FBXL5: variants seen among roughly 807,000 people sequenced by gnomAD.
FBXL5 encodes the protein F-box/LRR-repeat protein 5.
In FBXL5, 26 loss-of-function variants were observed where a neutral mutation model predicts 78.3. The ratio of observed to expected loss-of-function variants is 0.33; its 90% CI spans 0.24 to 0.46. FBXL5 has a LOEUF of 0.46. Among genes scored for constraint, FBXL5 ranks in the 20% least tolerant of loss-of-function variants. The probability of loss-of-function intolerance (pLI) is 1.00; values close to 1 mark genes in which losing one functional copy is unlikely to be tolerated. For synonymous variants in FBXL5, 295 were observed against 282.5 expected (o/e 1.04, Z -0.45); for missense variants, 710 against 829.2 (o/e 0.86, Z 1.77).
In FBXL5 at chr4:15,625,321, T is replaced by C. The variant is rs763209686; in HGVS notation, c.1781A>G (p.Gln594Arg). 9.3e-6 allele frequency: 15 copies of C among 1,614,220 alleles called. No homozygotes were observed. The highest frequency in any genetic ancestry group is 1.3e-5 in the African/African-American group (1 of 75,080). Residue 594 changes from glutamine to arginine, a missense_variant, in exon 9 of 11, where the codon CAA becomes CGA. Gln to Arg is a conservative substitution (Grantham distance 43). Coordinates refer to ENST00000341285, the MANE Select transcript of FBXL5 (RefSeq NM_012161.4). ...LIYFGSEKSD[Q>R]ETGRVLLFLS... ...AAACAGAAGTACACGTCCAGTCTCT[T>C]GATCAGATTTTTCACTCCCAAAGTA...
At chr4:15,654,451 A>G (rs2148728255) in intron 1 of FBXL5, among the ~76,000 whole-genome samples, 1 of 152,338 alleles carries the variant, frequency 6.6e-6, no homozygotes, top group East Asian at 1.9e-4. Context: ...TCTCACAGTT[A>G]AACCAACTTT....
intron 1 of FBXL5, among the ~76,000 whole-genome samples, chr4:15,668,711 C>G (rs1717644529): frequency 6.6e-6 from 1 of 151,692 alleles, no homozygotes; most frequent in Admixed American, 6.6e-5. Flanking sequence ...AACTCACTGA[C>G]AAAGGAAAAA....
intron 4 of FBXL5, 23 bp from the exon 5 acceptor site, chr4:15,636,699 T>C (rs551499613): frequency 6.6e-6 from 10 of 1,518,522 alleles, no homozygotes; most frequent in African/African-American, 3.1e-5. Flanking sequence ...AGAAAAACTT[T>C]ACCAGTAAAG....
intron 1 of FBXL5, among the ~76,000 whole-genome samples, chr4:15,680,761 G>C (rs1718213890): frequency 6.6e-6 from 1 of 151,870 alleles, no homozygotes; most frequent in African/African-American, 2.4e-5. Context: ...AGTAGCTTGA[G>C]AAAGAGAAAT....
intron 1 of FBXL5, among the ~76,000 whole-genome samples, chr4:15,648,299 C>T (rs73241185): frequency 0.091 from 13,895 of 152,160 alleles, 776 homozygotes; most frequent in Non-Finnish European, 0.12. Flanking sequence ...GGAATTGGTA[C>T]AGCCATTATG....
chr4:15,665,591 C>G (rs1560249888), intron 1 of FBXL5, among the ~76,000 whole-genome samples: 1 of 152,112 alleles, frequency 6.6e-6, no homozygotes, highest in Non-Finnish European at 1.5e-5. Flanking sequence ...CACTCTTTCC[C>G]ACTCTTCTTC....
chr4:15,680,114 C>T (rs1253502390), intron 1 of FBXL5, among the ~76,000 whole-genome samples: 1 of 145,496 alleles, frequency 6.9e-6, no homozygotes, highest in African/African-American at 2.6e-5. Flanking sequence ...TACAGTAAAA[C>T]AGGAAAAAAA....
upstream of FBXL5, among the ~76,000 whole-genome samples, chr4:15,659,512 G>T (rs1055026604): frequency 6.6e-6 from 1 of 152,164 alleles, no homozygotes; most frequent in Non-Finnish European, 1.5e-5. Context: ...AGGAGAATGT[G>T]AGCTGCACCG....
intron 10 of FBXL5, among the ~76,000 whole-genome samples, chr4:15,607,980 G>A (rs1176390723): frequency 2.0e-5 from 3 of 152,176 alleles, no homozygotes; most frequent in Admixed American, 6.6e-5. Context: ...TAGAAACTGC[G>A]ACTCTAAGCA....
chr4:15,645,824 TATC>T (rs1453347350), intron 1 of FBXL5, among the ~76,000 whole-genome samples: 2 of 152,208 alleles, frequency 1.3e-5, no homozygotes, highest in Non-Finnish European at 2.9e-5. Context: ...CATTAGCTAT[TATC>T]ATTTTGAAAA....
intron 1 of FBXL5, among the ~76,000 whole-genome samples, chr4:15,670,855 T>C (rs1271325778): frequency 6.6e-6 from 1 of 151,684 alleles, no homozygotes; most frequent in East Asian, 1.9e-4. Context: ...ATCCTTTCAG[T>C]TGTTGTCTGA....
At chr4:15,617,007 G>A (rs1163665796) in intron 9 of FBXL5, among the ~76,000 whole-genome samples, 3 of 152,190 alleles carry the variant, frequency 2.0e-5, no homozygotes, top group Non-Finnish European at 4.4e-5. Flanking sequence ...AAAAAGCAAT[G>A]TTTTTACACT....
At chr4:15,660,898 G>GA (rs1717275513), upstream of FBXL5, among the ~76,000 whole-genome samples, 1 of 151,946 alleles carries the variant, frequency 6.6e-6, no homozygotes, top group Non-Finnish European at 1.5e-5. Context: ...GCAACATGGC[G>GA]AAACTCCATC....
chr4:15,673,364 C>A (rs10008878), intron 1 of FBXL5, among the ~76,000 whole-genome samples: 50,817 of 151,876 alleles, frequency 0.33, 8,869 homozygotes, highest in Non-Finnish European at 0.37. Context: ...TCACCAGAGC[C>A]CAGAAGGTCG....
intron 1 of FBXL5, among the ~76,000 whole-genome samples, chr4:15,665,736 G>A (rs1717512604): frequency 6.6e-6 from 1 of 152,098 alleles, no homozygotes; most frequent in Non-Finnish European, 1.5e-5. Context: ...ACAAACTTAG[G>A]ATGAGAATAT....
upstream of FBXL5, among the ~76,000 whole-genome samples, chr4:15,657,889 G>T (rs1286208789): frequency 2.0e-5 from 3 of 152,066 alleles, no homozygotes; most frequent in Non-Finnish European, 4.4e-5. Context: ...AGACCTTTTT[G>T]GATGTATGAC....
At chr4:15,608,748 T>C (rs4591601) in intron 10 of FBXL5, among the ~76,000 whole-genome samples, 43,345 of 151,798 alleles carry the variant, frequency 0.29, 6,510 homozygotes, top group East Asian at 0.47. Flanking sequence ...TCAGTAACTA[T>C]AGTATTAAAT....
At chr4:15,640,359 T>G (rs1282727913) in intron 3 of FBXL5, among the ~76,000 whole-genome samples, 1 of 108,470 alleles carries the variant, frequency 9.2e-6, no homozygotes, top group African/African-American at 3.6e-5. Context: ...CTAATACATT[T>G]AAAGCCACCA....
chr4:15,625,214 C>G (rs768131475), intron 9 of FBXL5, 38 bp downstream of exon 9: 2 of 1,516,606 alleles, frequency 1.3e-6, no homozygotes, highest in Non-Finnish European at 1.8e-6. Context: ...GAAATGAGAA[C>G]ACGTCTATTT....
Sources: gnomAD v4.1 joint callset for allele counts (sites outside exome capture counted in the v4.1 genomes callset) on GRCh38, gnomAD v4.1.1 for gene constraint, MANE v1.5 for transcripts, NCBI Gene and HGNC (gene_info 2026-07-23, HGNC 2026-07-21) for gene names.